Variants in ZDHHC13 observed in about 807,000 individuals in gnomAD.
ZDHHC13 encodes the protein zDHHC palmitoyltransferase 13.
A neutral mutation model predicts 86.0 loss-of-function variants in ZDHHC13; 85 were observed. The observed-to-expected ratio is 0.99, with a 90% confidence interval of 0.83 to 1.18. The LOEUF is 1.18. Among genes scored for constraint, ZDHHC13 ranks in the 50% most tolerant of loss-of-function variants. The probability of loss-of-function intolerance (pLI) is 0.00; values close to 1 mark genes in which losing one functional copy is unlikely to be tolerated. For synonymous variants in ZDHHC13, 263 were observed against 246.4 expected (o/e 1.07, Z -0.63); for missense variants, 711 against 730.2 (o/e 0.97, Z 0.30).
intron 10 of ZDHHC13, among the ~76,000 whole-genome samples, chr11:19,161,722 A>C (rs1220374840): frequency 6.6e-6 from 1 of 152,136 alleles, no homozygotes; most frequent in African/African-American, 2.4e-5. Context: ...TAAGTTTAAG[A>C]GGGATAAATA....
chr11:19,143,177 A>G, intron 2 of ZDHHC13, 54 bp downstream of exon 2: 1 of 1,542,334 alleles, frequency 6.5e-7, no homozygotes, highest in Non-Finnish European at 8.8e-7. Flanking sequence ...ATTAATAGTA[A>G]TATATGTGTA....
At chr11:19,169,780 C>T in intron 14 of ZDHHC13, 8 of 985,496 alleles carry the variant, frequency 8.1e-6, no homozygotes, top group Non-Finnish European at 8.4e-6. Context: ...TTAATTGGCA[C>T]ACCTGGGGAG....
chr11:19,152,505 C>T (rs1347893178), intron 7 of ZDHHC13, 54 bp from the exon 8 acceptor site: 22 of 1,499,532 alleles, frequency 1.5e-5, no homozygotes, highest in African/African-American at 2.8e-5. Flanking sequence ...AAAAGTTTAG[C>T]ACTCATAATA....
intron 1 of ZDHHC13, among the ~76,000 whole-genome samples, chr11:19,142,266 G>T (rs1016121848): frequency 2.0e-5 from 3 of 152,162 alleles, no homozygotes; most frequent in Admixed American, 2.0e-4. Context: ...ACTGCCCACA[G>T]TTCCTTGTTA....
intron 1 of ZDHHC13, among the ~76,000 whole-genome samples, chr11:19,131,821 A>G (rs564000667): frequency 3.9e-5 from 6 of 151,960 alleles, no homozygotes; most frequent in Non-Finnish European, 8.8e-5. Context: ...TTTAGTAGAG[A>G]CGGGGTTTCA....
intron 14 of ZDHHC13, chr11:19,168,318 C>A (rs968219994): frequency 1.3e-5 from 2 of 152,182 alleles, no homozygotes; most frequent in African/African-American, 4.8e-5. Context: ...CCTCTCTTCT[C>A]TTCTCTCTCT....
chr11:19,132,974 G>C (rs1270261717), intron 1 of ZDHHC13, among the ~76,000 whole-genome samples: 4 of 152,128 alleles, frequency 2.6e-5, no homozygotes, highest in Non-Finnish European at 5.9e-5. Flanking sequence ...CCAACAAGGA[G>C]TAACCAGAAT....
Position 19,170,392 on chromosome 11 carries a change from T to G in ZDHHC13, c.1475-19T>G. 1 of 1,487,128 alleles carries G rather than the reference T, an allele frequency of 6.7e-7. No homozygotes were observed. The highest frequency in any genetic ancestry group is 8.9e-7 in the Non-Finnish European group (1 of 1,127,266). The allele number at this position is 1,487,128 out of a possible 1,614,324, so 92.1% of individuals were successfully genotyped here. On this transcript the variant is annotated intron_variant, in intron 14 of 16. Transcript: ENST00000446113. The stretch of plus-strand genomic sequence containing the variant: ...TTTATTGCCTTTTTTTTTTTTTTTT[T>G]TTTTTGGTGAATTCACAGATTTGTC...
At chr11:19,150,849 G>A in intron 6 of ZDHHC13, 58 bp downstream of exon 6, 2 of 1,503,834 alleles carry the variant, frequency 1.3e-6, no homozygotes, top group African/African-American at 1.4e-5. Context: ...TCTTTTCTGT[G>A]TATGTAATTT....
At chr11:19,163,570 T>C in intron 11 of ZDHHC13, 143 bp downstream of exon 11, 1 of 884,086 alleles carries the variant, frequency 1.1e-6, no homozygotes, top group Non-Finnish European at 1.5e-6. Context: ...TTTCCACTCT[T>C]ACAGTTTTTT....
At chr11:19,162,185 G>T (rs1163899168) in intron 10 of ZDHHC13, among the ~76,000 whole-genome samples, 2 of 152,068 alleles carry the variant, frequency 1.3e-5, no homozygotes, top group Non-Finnish European at 2.9e-5. Flanking sequence ...CCAATGAGGG[G>T]ATAAGCTTAT....
At chr11:19,130,850 GTTTTTTTTT>G (rs796273895) in intron 1 of ZDHHC13, among the ~76,000 whole-genome samples, 1 of 138,948 alleles carries the variant, frequency 7.2e-6, no homozygotes, top group Admixed American at 7.2e-5. Flanking sequence ...GGTTTTTTTT[GTTTTTTTTT>G]TTTTGAAAGG....
intron 10 of ZDHHC13, among the ~76,000 whole-genome samples, chr11:19,161,182 A>G (rs1269374941): frequency 6.6e-6 from 1 of 152,036 alleles, no homozygotes; most frequent in Non-Finnish European, 1.5e-5. Flanking sequence ...GAATAAGGGC[A>G]TCTGCTTCCG....
chr11:19,167,632 G>T (rs1850107873), intron 14 of ZDHHC13: 1 of 152,096 alleles, frequency 6.6e-6, no homozygotes, highest in South Asian at 2.1e-4. Context: ...GACGCCTTGG[G>T]TGTCTTTGAT....
intron 14 of ZDHHC13, chr11:19,166,719 G>GAA (rs11341471): frequency 6.9e-6 from 1 of 144,544 alleles, no homozygotes; most frequent in Non-Finnish European, 1.5e-5. Flanking sequence ...AATAAAACAG[G>GAA]AAAAAAAAAA....
At chr11:19,152,826 A>C in intron 8 of ZDHHC13, 142 bp downstream of exon 8, 1 of 1,346,480 alleles carries the variant, frequency 7.4e-7, no homozygotes, top group Non-Finnish European at 1.0e-6. Context: ...CCCGCATCCT[A>C]TTACCCAAAG....
chr11:19,172,975 G>A (rs1850264967), intron 16 of ZDHHC13, among the ~76,000 whole-genome samples, 155 bp downstream of exon 16: 1 of 152,142 alleles, frequency 6.6e-6, no homozygotes, highest in Admixed American at 6.5e-5. Context: ...TTAGTGATGG[G>A]GTGAGTGGTA....
intron 14 of ZDHHC13, 30 bp from the exon 15 acceptor site, chr11:19,170,375 CTTTTTT>C (rs55637113): frequency 3.9e-4 from 484 of 1,233,794 alleles, no homozygotes; most frequent in East Asian, 1.7e-3. Flanking sequence ...AGTTTATTGC[CTTTTTT>C]TTTTTTTTTT....
chr11:19,124,947 C>T (rs1848841191), intron 1 of ZDHHC13, among the ~76,000 whole-genome samples: 1 of 152,126 alleles, frequency 6.6e-6, no homozygotes, highest in African/African-American at 2.4e-5. Flanking sequence ...CAGACGAGTG[C>T]TCTATGAGAA....
Sources: gnomAD v4.1 joint callset for allele counts (sites outside exome capture counted in the v4.1 genomes callset) on GRCh38, gnomAD v4.1.1 for gene constraint, MANE v1.5 for transcripts, NCBI Gene and HGNC (gene_info 2026-07-23, HGNC 2026-07-21) for gene names.